The following MBD2 variants were observed in gnomAD, a reference collection of about 807,000 sequenced individuals.
MBD2 encodes the protein methyl-CpG-binding domain protein 2.
Under a neutral mutation model 39.3 loss-of-function variants are expected in MBD2, and 9 were observed. The ratio of observed to expected loss-of-function variants is 0.23; its 90% CI spans 0.14 to 0.40. The LOEUF is 0.40. Among genes scored for constraint, MBD2 ranks in the 10% least tolerant of loss-of-function variants. The probability of loss-of-function intolerance (pLI) is 1.00; values close to 1 mark genes in which losing one functional copy is unlikely to be tolerated. For synonymous variants in MBD2, 233 were observed against 211.1 expected (o/e 1.10, Z -0.90); for missense variants, 458 against 532.6 (o/e 0.86, Z 1.38).
chr18:54,216,796 G>A (rs1404311422), intron 1 of MBD2, among the ~76,000 whole-genome samples: 6 of 152,054 alleles, frequency 3.9e-5, no homozygotes, highest in Non-Finnish European at 7.4e-5. Flanking sequence ...GGCCAGGCGC[G>A]GTGGCTCATG....
intron 6 of MBD2, among the ~76,000 whole-genome samples, chr18:54,156,145 G>A (rs763374056): frequency 3.3e-5 from 5 of 152,082 alleles, no homozygotes; most frequent in Non-Finnish European, 7.4e-5. Flanking sequence ...AGGTTATTAC[G>A]GACAGCTGAT....
chr18:54,200,227 T>C (rs1412762784), intron 2 of MBD2, among the ~76,000 whole-genome samples: 2 of 152,012 alleles, frequency 1.3e-5, no homozygotes, highest in African/African-American at 4.8e-5. Context: ...ATACCAGTAG[T>C]ATTGTCAAGC....
intron 2 of MBD2, chr18:54,203,253 A>C: frequency 1.0e-6 from 1 of 959,986 alleles, no homozygotes. Flanking sequence ...AGTACTCTTC[A>C]TTTCATAAAT....
In MBD2 at chr18:54,179,574, AAATTAATCACATAAACC is replaced by A. The variant is rs368284439; in HGVS notation, c.840+9283_840+9299del. On this transcript the variant is annotated intron_variant, in intron 3 of 6. Transcript: ENST00000256429. ...TAACATTCAAAAACATCAAACAGTG[AAATTAATCACATAAACC>A]AATCAATATGATACACTTTATTAAC... Among the ~76,000 whole-genome samples the A allele has an allele frequency of 5.6e-3, 857 of 152,354 alleles. 12 individuals carry two copies. The highest frequency in any genetic ancestry group is 0.037 in the Middle Eastern group (11 of 294).
intron 1 of MBD2, among the ~76,000 whole-genome samples, chr18:54,207,677 A>G (rs1229818321): frequency 6.6e-6 from 1 of 152,274 alleles, no homozygotes; most frequent in East Asian, 1.9e-4. Context: ...TAAGAAATAA[A>G]GTATTACTAA....
intron 3 of MBD2, among the ~76,000 whole-genome samples, chr18:54,170,514 C>T (rs1004121936): frequency 3.3e-5 from 5 of 152,186 alleles, no homozygotes; most frequent in East Asian, 1.9e-4. Context: ...TTCATCACTC[C>T]GAGTTTATTA....
chr18:54,173,703 G>A (rs1399500996), intron 3 of MBD2, among the ~76,000 whole-genome samples: 1 of 152,142 alleles, frequency 6.6e-6, no homozygotes. Flanking sequence ...CTCATTGGGA[G>A]GAACAGAATC....
chr18:54,168,598 T>C (rs1343809453), intron 3 of MBD2, among the ~76,000 whole-genome samples: 1 of 136,022 alleles, frequency 7.4e-6, no homozygotes, highest in African/African-American at 3.0e-5. Context: ...TATATATATA[T>C]TTATGTATGC....
intron 1 of MBD2, among the ~76,000 whole-genome samples, chr18:54,217,532 T>A (rs569284699): frequency 6.6e-6 from 1 of 152,318 alleles, no homozygotes; most frequent in Admixed American, 6.5e-5. Flanking sequence ...CAGGAAGAGT[T>A]TATGGTTTAT....
chr18:54,224,586 G>C lies in MBD2; in HGVS notation c.-27C>G. 1 of 1,219,926 alleles carries C rather than the reference G, an allele frequency of 8.2e-7. No homozygotes were observed. The highest frequency in any genetic ancestry group is 1.0e-6 in the Non-Finnish European group (1 of 978,434). 75.6% of individuals were successfully genotyped at this position (1,219,926 alleles called of 1,614,324 possible). A position where few individuals can be genotyped will look rare whatever the true frequency, so the allele number is the denominator to read the frequency against. On this transcript the variant is annotated 5_prime_UTR_variant, in exon 1 of 7. Coordinates refer to ENST00000256429, the MANE Select transcript of MBD2 (RefSeq NM_003927.5). ...CAGCCCCCTCCCCAGCCGGCGCTGC[G>C]CTTCTTCCGTAACCGAGCCCTTGGA...
At chr18:54,178,699 A>T (rs1365015349) in intron 3 of MBD2, among the ~76,000 whole-genome samples, 5 of 152,168 alleles carry the variant, frequency 3.3e-5, no homozygotes, top group Non-Finnish European at 2.9e-5. Context: ...ATAGAATTGG[A>T]TTTGAATTTC....
rs528527622 is a variant in MBD2 at position 54,163,166 on chromosome 18, G to A, written c.1109+1357C>T. 2.6e-5 allele frequency among the ~76,000 whole-genome samples: 4 copies of A among 152,262 alleles called. No individual in the cohort carries two copies. The South Asian group carries it at 6.2e-4, about 24-fold the overall frequency. On this transcript the variant is annotated intron_variant, in intron 5 of 6. Transcript: ENST00000256429. ...GCTCGCCTGTAGTCCCAGCTACTCG[G>A]GCGGCTGAGGCAGGAGAATTGCTTG... is the stretch of plus-strand genomic sequence containing the variant.
rs189855408 is a variant in MBD2, at chr18:54,199,325, A to G, written c.702+5673T>C. Among the ~76,000 whole-genome samples the G allele has an allele frequency of 2.4e-3, 361 of 152,276 alleles. 2 individuals carry two copies. The highest frequency in any genetic ancestry group is 8.4e-3 in the African/African-American group (350 of 41,544). On this transcript the variant is annotated intron_variant, in intron 2 of 6. Transcript: ENST00000256429. Reference sequence around the variant, plus strand: ...TTATCCTCCCTGATCTCTAACAAAAATCTTGTTTTCCAGGTTGTTGTAACA... The same window carrying G: ...TTATCCTCCCTGATCTCTAACAAAAGTCTTGTTTTCCAGGTTGTTGTAACA...
Position 54,224,364 on chromosome 18 carries a change from G to A in MBD2, c.196C>T (p.Gln66Ter). 1 of 1,189,126 alleles carries A rather than the reference G, an allele frequency of 8.4e-7. No homozygotes were observed. Among genetic ancestry groups the A allele is most frequent in the Non-Finnish European group, 1.0e-6 (1 of 959,414 alleles). 73.7% of individuals were successfully genotyped at this position (1,189,126 alleles called of 1,614,324 possible). ...GGGRGRGRWK[Q>*]AGRGGGVCGR... ...CAGACGCCGCCGCCCCGGCCCGCCT[G>A]CTTCCACCGCCCCCGGCCACGGCCG... Residue 66 changes from glutamine (Q) to a stop codon, truncating the protein, a stop_gained, in exon 1 of 7, where the codon CAG becomes TAG. Transcript: ENST00000256429. LOFTEE classifies it high-confidence loss of function.
At chr18:54,204,926 T>C (rs1462353114) in intron 2 of MBD2, 72 bp downstream of exon 2, 1 of 1,474,220 alleles carries the variant, frequency 6.8e-7, no homozygotes, top group East Asian at 2.3e-5. Flanking sequence ...TCCAGTCACT[T>C]AATTATGATG....
Position 54,198,263 on chromosome 18 carries a change from A to G in MBD2, c.702+6735T>C, listed in dbSNP as rs572315138. On this transcript the variant is annotated intron_variant, in intron 2 of 6. Coordinates refer to ENST00000256429, the MANE Select transcript of MBD2 (RefSeq NM_003927.5). ...CATTACTTCATTAACTGAAAAATCC[A>G]TAGTCAAACAAATGCCTAATCTGAG... 7.2e-5 allele frequency among the ~76,000 whole-genome samples: 11 copies of G among 152,344 alleles called. No homozygotes were observed. In the South Asian group the frequency reaches 2.3e-3, roughly 32 times the overall value.
chr18:54,222,206 C>T (rs553426249), intron 1 of MBD2: 15 of 337,484 alleles, frequency 4.4e-5, no homozygotes, highest in Non-Finnish European at 7.2e-5. Flanking sequence ...CAATTGTGAA[C>T]GGCACTAAAT....
In MBD2 at chr18:54,224,151, C is replaced by G. The variant is rs920969076; in HGVS notation, c.409G>C (p.Gly137Arg). ...VPFPSGSAGP[G>R]PRGPRATESG... ...TCCGTGGCCCGGGGTCCCCTGGGCCCCGGCCCCGCGCTCCCCGACGGGAAA... is the reference window on the plus strand; with the variant it reads ...TCCGTGGCCCGGGGTCCCCTGGGCCGCGGCCCCGCGCTCCCCGACGGGAAA... The change falls in exon 1 of 7, where the codon GGG (glycine) becomes CGG (arginine). Residue 137 changes from glycine (G) to arginine (R), a missense_variant. Transcript: ENST00000256429. 36 of 1,484,052 alleles carry G rather than the reference C, an allele frequency of 2.4e-5. No homozygotes were observed. Among genetic ancestry groups the G allele is most frequent in the Non-Finnish European group, 3.1e-5 (35 of 1,118,560 alleles). The allele number at this position is 1,484,052 out of a possible 1,614,324, so 91.9% of individuals were successfully genotyped here.
At chr18:54,215,802 T>G (rs541302627) in intron 1 of MBD2, among the ~76,000 whole-genome samples, 353 of 150,524 alleles carry the variant, frequency 2.3e-3, no homozygotes, top group Non-Finnish European at 3.7e-3. Flanking sequence ...CCTTTTTTTT[T>G]TTGTTTGTTT....
Sources: allele counts gnomAD v4.1 joint callset (sites outside exome capture counted in the v4.1 genomes callset), GRCh38; gene constraint gnomAD v4.1.1; transcripts MANE v1.5; gene names NCBI Gene and HGNC (gene_info 2026-07-23, HGNC 2026-07-21).